Variants in AGBL4 observed in about 807,000 individuals in gnomAD.
AGBL4 encodes AGBL carboxypeptidase 4.
In AGBL4, 58 loss-of-function variants were observed where a neutral mutation model predicts 66.4. The observed-to-expected ratio is 0.87, with a 90% CI of 0.71 to 1.09. The LOEUF is 1.09. Among genes scored for constraint, AGBL4 ranks in the 50% least tolerant of loss-of-function variants. The pLI is 0.00. For missense variants in AGBL4, 579 were observed against 631.0 expected (o/e 0.92, Z 0.88); for synonymous variants, 234 against 222.9 (o/e 1.05, Z -0.44).
At chr1:49,127,552 G>A (rs1645791490) in intron 4 of AGBL4, among the ~76,000 whole-genome samples, 2 of 152,014 alleles carry the variant, frequency 1.3e-5, no homozygotes, top group Non-Finnish European at 1.5e-5. Flanking sequence ...ATATGCATGG[G>A]GTGAACTTGA....
At chr1:49,160,627 A>C (rs1013802620) in intron 4 of AGBL4, among the ~76,000 whole-genome samples, 2 of 152,130 alleles carry the variant, frequency 1.3e-5, no homozygotes, top group Non-Finnish European at 2.9e-5. Flanking sequence ...AGGGACGTTC[A>C]AATCTGCTGA....
intron 2 of AGBL4, among the ~76,000 whole-genome samples, chr1:49,844,502 C>T (rs1246860366): frequency 6.6e-6 from 1 of 152,040 alleles, no homozygotes; most frequent in Non-Finnish European, 1.5e-5. Context: ...TTTTCCTCTT[C>T]CTTATTCTGT....
intron 4 of AGBL4, among the ~76,000 whole-genome samples, chr1:49,126,559 CATG>C (rs2148056954): frequency 6.6e-6 from 1 of 152,172 alleles, no homozygotes; most frequent in South Asian, 2.1e-4. Context: ...TATAAATAGG[CATG>C]ATAAGGAAAA....
At chr1:48,658,966 GC>G (rs1230313158) in intron 7 of AGBL4, among the ~76,000 whole-genome samples, 1 of 152,084 alleles carries the variant, frequency 6.6e-6, no homozygotes, top group East Asian at 1.9e-4. Flanking sequence ...CATAGTCTAG[GC>G]CCTGATGGGC....
intron 6 of AGBL4, among the ~76,000 whole-genome samples, chr1:48,709,323 A>C (rs1000611771): frequency 6.6e-6 from 1 of 152,240 alleles, no homozygotes; most frequent in African/African-American, 2.4e-5. Context: ...TTGTTAAGTG[A>C]GAAAAGCAGG....
At chr1:48,721,658 C>T (rs1315099551) in intron 6 of AGBL4, among the ~76,000 whole-genome samples, 1 of 152,170 alleles carries the variant, frequency 6.6e-6, no homozygotes, top group Non-Finnish European at 1.5e-5. Flanking sequence ...TCAGCACTGC[C>T]CAGATCAGGG....
intron 4 of AGBL4, among the ~76,000 whole-genome samples, chr1:49,122,932 C>T (rs1015708522): frequency 1.3e-5 from 2 of 152,158 alleles, no homozygotes; most frequent in Non-Finnish European, 2.9e-5. Flanking sequence ...CGGCTCACTG[C>T]AACCTCCGCC....
chr1:49,194,282 T>G (rs1276887582), intron 4 of AGBL4, among the ~76,000 whole-genome samples: 2 of 152,188 alleles, frequency 1.3e-5, no homozygotes, highest in Non-Finnish European at 2.9e-5. Flanking sequence ...TCTTGTCTTT[T>G]TTTTTACCAT....
In AGBL4 at chr1:48,958,784, T is replaced by C. The variant is rs1389696900; in HGVS notation, c.594+86800A>G. ...GACCCCCTAACTAGGTCTAGCTTCA[T>C]GAACACAGAGCCCCATGCTTTATGC... On this transcript the variant is annotated intron_variant, in intron 5 of 13. Coordinates refer to ENST00000371839, the MANE Select transcript of AGBL4 (RefSeq NM_032785.4). Among the ~76,000 whole-genome samples the C allele has an allele frequency of 2.0e-5, 3 of 152,238 alleles. No homozygotes were observed. In the East Asian group the frequency reaches 5.8e-4, roughly 29 times the overall value.
At chr1:49,080,807 G>C (rs1317197060) in intron 4 of AGBL4, among the ~76,000 whole-genome samples, 5 of 152,062 alleles carry the variant, frequency 3.3e-5, no homozygotes. Flanking sequence ...CTCTTTAAAT[G>C]ATTATTATTT....
At chr1:48,828,428 C>A (rs1168490080) in intron 6 of AGBL4, among the ~76,000 whole-genome samples, 3 of 152,152 alleles carry the variant, frequency 2.0e-5, no homozygotes, top group Non-Finnish European at 2.9e-5. Flanking sequence ...CCTGTTCTCC[C>A]TTTGACCCTT....
chr1:49,188,358 A>ATT (rs1557712018), intron 4 of AGBL4, among the ~76,000 whole-genome samples: 7 of 152,270 alleles, frequency 4.6e-5, no homozygotes, highest in South Asian at 4.1e-4. Context: ...AGGCAATTGC[A>ATT]CATTTTATTG....
At chr1:49,747,446 CAA>C (rs1651074817) in intron 2 of AGBL4, among the ~76,000 whole-genome samples, 1 of 152,182 alleles carries the variant, frequency 6.6e-6, no homozygotes, top group Admixed American at 6.5e-5. Context: ...TTCTGATGAA[CAA>C]AGAGATAATA....
At chr1:49,700,298 AATAGATAGATAG>A (rs59788309) in intron 2 of AGBL4, among the ~76,000 whole-genome samples, 6,056 of 146,452 alleles carry the variant, frequency 0.041, 193 homozygotes, top group African/African-American at 0.097. Context: ...AAAAACATTA[AATAGATAGATAG>A]ATAGATAGAT....
intron 6 of AGBL4, among the ~76,000 whole-genome samples, chr1:48,778,909 C>T (rs12756339): frequency 0.067 from 10,222 of 152,180 alleles, 578 homozygotes; most frequent in East Asian, 0.31. Context: ...TTATGTGGTA[C>T]AGCCAAAAAT....
intron 3 of AGBL4, among the ~76,000 whole-genome samples, chr1:49,671,242 C>T (rs907277806): frequency 2.0e-5 from 3 of 152,070 alleles, no homozygotes; most frequent in African/African-American, 7.2e-5. Flanking sequence ...GAAAAGATTT[C>T]CTATTCAATA....
intron 5 of AGBL4, among the ~76,000 whole-genome samples, chr1:48,957,409 A>G (rs1320691188): frequency 6.6e-6 from 1 of 152,194 alleles, no homozygotes; most frequent in Non-Finnish European, 1.5e-5. Flanking sequence ...TGTTATTGCA[A>G]ATAATGCTGT....
chr1:49,644,025 GAC>G lies in AGBL4; in HGVS notation c.282+53286_282+53287del, dbSNP rs545739551. ...CATTGCAGAGCCTATAACACAGAAA[GAC>G]AGAATATATGACAAAAATAGCACAA... On this transcript the variant is annotated intron_variant, in intron 3 of 13. Transcript: ENST00000371839. 2.6e-5 allele frequency among the ~76,000 whole-genome samples: 4 copies of G among 151,634 alleles called. No individual in the cohort carries two copies. The East Asian group carries it at 7.7e-4, about 29-fold the overall frequency.
chr1:49,828,352 C>T (rs1645565150), intron 2 of AGBL4, among the ~76,000 whole-genome samples: 1 of 152,118 alleles, frequency 6.6e-6, no homozygotes, highest in African/African-American at 2.4e-5. Context: ...AACTGGGTAG[C>T]TGCTTTGGAT....
Sources: gnomAD v4.1 joint callset for allele counts (sites outside exome capture counted in the v4.1 genomes callset) on GRCh38, gnomAD v4.1.1 for gene constraint, MANE v1.5 for transcripts, NCBI Gene and HGNC (gene_info 2026-07-23, HGNC 2026-07-21) for gene names.